The following GALNT11 variants were observed in gnomAD, a reference collection of about 807,000 sequenced individuals.
The protein encoded by GALNT11 is polypeptide N-acetylgalactosaminyltransferase 11.
A neutral mutation model predicts 72.7 loss-of-function variants in GALNT11; 47 were observed. That is an observed-to-expected ratio of 0.65 (90% CI 0.51 to 0.82). The LOEUF is 0.82. Ranked by LOEUF, GALNT11 falls within the 40% of genes least tolerant of loss-of-function variation. GALNT11 has a pLI of 0.00. For missense variants in GALNT11, 677 were observed against 778.4 expected (o/e 0.87, Z 1.55); for synonymous variants, 270 against 286.6 (o/e 0.94, Z 0.58).
At chr7:152,066,300 G>T (rs1480462739) in intron 1 of GALNT11, among the ~76,000 whole-genome samples, 2 of 152,190 alleles carry the variant, frequency 1.3e-5, no homozygotes. Flanking sequence ...CACAGTATTA[G>T]GGTGGGAGTG....
rs1162435283 is a variant in GALNT11, at chr7:152,121,599, T to C, written c.1749T>C (p.Asp583=). The C allele has an allele frequency of 1.2e-6, 2 of 1,614,080 alleles. No individual in the cohort carries two copies. Among genetic ancestry groups the C allele is most frequent in the Non-Finnish European group, 1.7e-6 (2 of 1,180,026 alleles). ...VSVGQCLRAV[D]PLGQKGSVAM... ...TTGGACAGTGCCTGAGAGCAGTGGA[T>C]CCCCTGGGTCAGAAGGGCTCTGTCG... Residue 583 remains aspartate, a synonymous_variant, in exon 12 of 12, where the codon GAT becomes GAC. Transcript: ENST00000430044.
intron 7 of GALNT11, among the ~76,000 whole-genome samples, chr7:152,112,669 A>G (rs985146206): frequency 6.6e-6 from 1 of 152,136 alleles, no homozygotes; most frequent in East Asian, 1.9e-4. Flanking sequence ...CTCTTTTTAG[A>G]TAAGGCAATC....
chr7:152,118,333 T>A (rs893070639), intron 9 of GALNT11: 25 of 252,994 alleles, frequency 9.9e-5, no homozygotes, highest in Non-Finnish European at 1.7e-4. Flanking sequence ...ATACATGTTG[T>A]TCTTATATCC....
chr7:152,082,132 A>G (rs1177992765), intron 1 of GALNT11, among the ~76,000 whole-genome samples: 22 of 152,198 alleles, frequency 1.4e-4, no homozygotes. Context: ...CAAAGAGTAG[A>G]TAGTGTATTT....
intron 1 of GALNT11, among the ~76,000 whole-genome samples, chr7:152,048,205 C>G (rs1027233626): frequency 2.6e-5 from 4 of 151,780 alleles, no homozygotes; most frequent in Non-Finnish European, 5.9e-5. Context: ...TTTTTTCCTT[C>G]GGCACTTTAA....
At chr7:152,105,523 C>T (rs1243908511) in intron 5 of GALNT11, among the ~76,000 whole-genome samples, 153 bp downstream of exon 5, 1 of 152,216 alleles carries the variant, frequency 6.6e-6, no homozygotes, top group Non-Finnish European at 1.5e-5. Flanking sequence ...TGGGAAAGAC[C>T]TGTTCATAAC....
chr7:152,117,119 A>G, intron 8 of GALNT11, 38 bp from the exon 9 acceptor site: 1 of 1,550,962 alleles, frequency 6.4e-7, no homozygotes, highest in Non-Finnish European at 8.7e-7. Flanking sequence ...TTTTAACAAA[A>G]AATTCGATTT....
intron 1 of GALNT11, among the ~76,000 whole-genome samples, chr7:152,048,128 G>A (rs1409217140): frequency 2.0e-5 from 3 of 151,846 alleles, no homozygotes; most frequent in Non-Finnish European, 4.4e-5. Flanking sequence ...TGTTTCTCTG[G>A]AAGACCTTTA....
At chr7:152,081,528 A>C (rs566914840) in intron 1 of GALNT11, among the ~76,000 whole-genome samples, 1 of 152,388 alleles carries the variant, frequency 6.6e-6, no homozygotes, top group Non-Finnish European at 1.5e-5. Flanking sequence ...AACAGTCACA[A>C]TAAAAGTTTG....
chr7:152,097,254 A>G (rs757431322), intron 2 of GALNT11, among the ~76,000 whole-genome samples: 4 of 152,232 alleles, frequency 2.6e-5, no homozygotes, highest in Non-Finnish European at 5.9e-5. Flanking sequence ...AAAGATGCTT[A>G]ATATAATTAG....
intron 1 of GALNT11, among the ~76,000 whole-genome samples, chr7:152,087,037 T>G (rs1025067999): frequency 3.3e-5 from 5 of 151,436 alleles, no homozygotes; most frequent in Admixed American, 3.3e-4. Context: ...TTTTTTTCAT[T>G]TATTAACAAA....
chr7:152,033,665 T>A (rs759924900), intron 1 of GALNT11, among the ~76,000 whole-genome samples: 1 of 152,222 alleles, frequency 6.6e-6, no homozygotes, highest in Non-Finnish European at 1.5e-5. Flanking sequence ...GTAGACATCA[T>A]TGAATAATTC....
chr7:152,103,312 A>T, intron 4 of GALNT11, 34 bp downstream of exon 4: 1 of 1,597,410 alleles, frequency 6.3e-7, no homozygotes, highest in Non-Finnish European at 8.6e-7. Flanking sequence ...CATTGGATCC[A>T]GGCTGTCAGT....
In GALNT11 at chr7:152,110,570, G is replaced by A. The variant is rs758659449; in HGVS notation, c.1005G>A (p.Gln335=). The A allele has an allele frequency of 1.2e-6, 2 of 1,613,452 alleles. No homozygotes were observed. The highest frequency in any genetic ancestry group is 1.1e-5 in the South Asian group (1 of 90,746). The change falls in exon 7 of 12, where the codon CAG becomes CAA. Residue 335 remains glutamine (Q), a synonymous_variant. Coordinates refer to ENST00000430044, the MANE Select transcript of GALNT11 (RefSeq NM_022087.4). ...GAGGTTTGTTTGCCATGAACAGACA[G>A]TATTTCCATGAACTTGGACAGTATG... is the stretch of plus-strand genomic sequence containing the variant. The part of the protein sequence containing the change: ...MAGGLFAMNR[Q]YFHELGQYDS...
intron 1 of GALNT11, among the ~76,000 whole-genome samples, chr7:152,055,521 G>A (rs1400549581): frequency 4.7e-3 from 7 of 1,498 alleles, no homozygotes; most frequent in Admixed American, 6.4e-3. Context: ...TATATAAAGC[G>A]TGTGTGTGTG....
chr7:152,036,381 G>T (rs920461161), intron 1 of GALNT11, among the ~76,000 whole-genome samples: 7 of 152,134 alleles, frequency 4.6e-5, no homozygotes, highest in African/African-American at 1.7e-4. Context: ...TTAACATAAT[G>T]ACCTCCAGTT....
In GALNT11 at chr7:152,103,131, C is replaced by G. The variant is rs575197811; in HGVS notation, c.439C>G (p.Pro147Ala). 2 of 1,607,944 alleles carry G rather than the reference C, an allele frequency of 1.2e-6. No individual in the cohort carries two copies. The highest frequency in any genetic ancestry group is 2.7e-5 in the African/African-American group (2 of 74,888). Residue 147 changes from proline (P) to alanine (A), a missense_variant, in exon 4 of 12, where the codon CCA (proline) becomes GCA (alanine). Coordinates refer to ENST00000430044, the MANE Select transcript of GALNT11 (RefSeq NM_022087.4). ...RNAACKEKFY[P>A]PDLPAASVVI... ...TTACAGATGTAAAGAAAAGTTCTAC[C>G]CACCTGACCTGCCAGCTGCTAGTGT...
Position 152,094,525 on chromosome 7 carries a change from A to C in GALNT11, c.295+3A>C. ...CTTGAAATTCTCTTCTGAATTAGGT[A>C]AGTATATGATGTTTACCAGCATCCA... On this transcript the variant is annotated splice_donor_region_variant and intron_variant, in intron 2 of 11. Coordinates refer to ENST00000430044, the MANE Select transcript of GALNT11 (RefSeq NM_022087.4). The surrounding 1 kb of genome is among the most constrained non-coding windows in gnomAD (Gnocchi z 4.3). The C allele has an allele frequency of 6.2e-7, 1 of 1,604,524 alleles. No individual in the cohort carries two copies. Among genetic ancestry groups the C allele is most frequent in the South Asian group, 1.1e-5 (1 of 89,752 alleles).
chr7:152,072,634 G>A (rs1316095678), intron 1 of GALNT11, among the ~76,000 whole-genome samples: 1 of 151,042 alleles, frequency 6.6e-6, no homozygotes, highest in East Asian at 1.9e-4. Flanking sequence ...TCCCTTATTT[G>A]GGAATATTAT....
Sources: gnomAD v4.1 joint callset for allele counts (sites outside exome capture counted in the v4.1 genomes callset) on GRCh38, gnomAD v4.1.1 for gene constraint, Gnocchi (gnomAD v3.1) non-coding constraint, MANE v1.5 for transcripts, NCBI Gene and HGNC (gene_info 2026-07-23, HGNC 2026-07-21) for gene names.